Variants in PRKCE observed in about 807,000 individuals in gnomAD.
PRKCE encodes the protein protein kinase C epsilon type.
Under a neutral mutation model 85.4 loss-of-function variants are expected in PRKCE, and 16 were observed. That is an observed-to-expected ratio of 0.19 (90% CI 0.13 to 0.28). The LOEUF (loss-of-function observed/expected upper bound fraction) is 0.28, where lower values mean the gene tolerates loss of function less well. PRKCE is among the 10% of genes least tolerant of loss of function. The pLI is 1.00. For missense variants in PRKCE, 573 were observed against 975.2 expected (o/e 0.59, Z 5.49); for synonymous variants, 388 against 371.5 (o/e 1.04, Z -0.51).
At chr2:45,666,839 A>T (rs1675934607) in intron 1 of PRKCE, among the ~76,000 whole-genome samples, 1 of 152,120 alleles carries the variant, frequency 6.6e-6, no homozygotes, top group South Asian at 2.1e-4. Context: ...GATTGGTTAA[A>T]TTTAAAAACA....
chr2:46,097,539 C>G (rs115018292), intron 11 of PRKCE, among the ~76,000 whole-genome samples: 3,029 of 136,154 alleles, frequency 0.022, 123 homozygotes, highest in African/African-American at 0.075. Flanking sequence ...AAAAAAAAAG[C>G]TGTGAAGTCT....
chr2:45,822,442 T>C (rs1296323605), intron 1 of PRKCE, among the ~76,000 whole-genome samples: 1 of 152,178 alleles, frequency 6.6e-6, no homozygotes, highest in Non-Finnish European at 1.5e-5. Flanking sequence ...CCCTCTGGGG[T>C]GGCCCAGGTC....
intron 1 of PRKCE, among the ~76,000 whole-genome samples, chr2:45,827,037 G>T (rs1289698865): frequency 6.6e-6 from 1 of 152,178 alleles, no homozygotes; most frequent in African/African-American, 2.4e-5. Flanking sequence ...CTGCTCTGCA[G>T]TCTCTCCTCT....
intron 1 of PRKCE, among the ~76,000 whole-genome samples, chr2:45,690,748 C>T (rs1433629410): frequency 6.6e-6 from 1 of 152,212 alleles, no homozygotes; most frequent in African/African-American, 2.4e-5. Context: ...GATTTTCCCT[C>T]TCTGTATAAT....
At chr2:45,989,240 C>G (rs896295861) in intron 6 of PRKCE, among the ~76,000 whole-genome samples, 2 of 152,216 alleles carry the variant, frequency 1.3e-5, no homozygotes, top group Middle Eastern at 3.2e-3. Flanking sequence ...GTGTACTCCA[C>G]GAAGACCTGG....
At chr2:45,768,372 GGGATGGCTTCT>G (rs1251143668) in intron 1 of PRKCE, among the ~76,000 whole-genome samples, 1 of 152,202 alleles carries the variant, frequency 6.6e-6, no homozygotes, top group Non-Finnish European at 1.5e-5. Context: ...GAGTCCCATG[GGGATGGCTTCT>G]GGAAGGAACA....
At chr2:45,778,346 G>A (rs1685920383) in intron 1 of PRKCE, among the ~76,000 whole-genome samples, 1 of 152,174 alleles carries the variant, frequency 6.6e-6, no homozygotes, top group Non-Finnish European at 1.5e-5. Flanking sequence ...GATGTCCCAA[G>A]AGAACATGCC....
At chr2:45,888,939 A>G (rs1294765137) in intron 2 of PRKCE, among the ~76,000 whole-genome samples, 1 of 152,196 alleles carries the variant, frequency 6.6e-6, no homozygotes, top group Non-Finnish European at 1.5e-5. Flanking sequence ...TTGACCAGCA[A>G]AACCAGCCCG....
chr2:46,075,102 G>A (rs567385344), intron 10 of PRKCE, among the ~76,000 whole-genome samples: 3 of 152,066 alleles, frequency 2.0e-5, no homozygotes, highest in Non-Finnish European at 4.4e-5. Flanking sequence ...GTGCAGTGGC[G>A]TGATCTCGGC....
intron 10 of PRKCE, among the ~76,000 whole-genome samples, chr2:46,043,948 G>T (rs532495139): frequency 3.3e-4 from 51 of 152,336 alleles, no homozygotes; most frequent in Non-Finnish European, 6.5e-4. Context: ...GCATAGGAGA[G>T]TCATGAGTAT....
chr2:46,063,146 C>T (rs1026672631), intron 10 of PRKCE, among the ~76,000 whole-genome samples: 1 of 152,102 alleles, frequency 6.6e-6, no homozygotes, highest in Non-Finnish European at 1.5e-5. Context: ...GCTGAGTGGG[C>T]CAAGGTTGGA....
At chr2:45,731,986 C>A (rs1681619226) in intron 1 of PRKCE, among the ~76,000 whole-genome samples, 1 of 152,140 alleles carries the variant, frequency 6.6e-6, no homozygotes, top group Non-Finnish European at 1.5e-5. Context: ...CCACAGAACT[C>A]CATTTTCACT....
chr2:45,909,568 GC>G (rs1374077197), intron 2 of PRKCE, among the ~76,000 whole-genome samples: 2 of 152,186 alleles, frequency 1.3e-5, no homozygotes, highest in African/African-American at 4.8e-5. Context: ...TGTTAAAATA[GC>G]AAATAAACAA....
At chr2:45,790,949 G>C (rs1378111290) in intron 1 of PRKCE, among the ~76,000 whole-genome samples, 3 of 152,204 alleles carry the variant, frequency 2.0e-5, no homozygotes, top group African/African-American at 4.8e-5. Flanking sequence ...AGGACCTCTA[G>C]AAAGGCGTGT....
chr2:45,905,908 G>A lies in PRKCE; in HGVS notation c.412+62845G>A, dbSNP rs576003888. 6.6e-6 allele frequency among the ~76,000 whole-genome samples: 1 copy of A among 152,218 alleles called. No individual in the cohort carries two copies. Among genetic ancestry groups the A allele is most frequent in the Non-Finnish European group, 1.5e-5 (1 of 68,038 alleles). ...CAAGAGGTTCCCTGGGAGGAAGGAT[G>A]TGCTTGTGCGGGGTATGGTGTCTGC... is the stretch of plus-strand genomic sequence containing the variant. On this transcript the variant is annotated intron_variant, in intron 2 of 14. Transcript: ENST00000306156. This position sits in a 1 kb window ranked among gnomAD's most constrained non-coding sequence, Gnocchi z 4.4.
At chr2:46,049,596 T>C (rs1021765672) in intron 10 of PRKCE, among the ~76,000 whole-genome samples, 4 of 152,196 alleles carry the variant, frequency 2.6e-5, no homozygotes, top group Admixed American at 2.6e-4. Context: ...GCAGGTGTAA[T>C]ACCCGCTGCA....
In PRKCE at chr2:46,145,084, A is replaced by C; in HGVS notation, c.1593-9A>C. 1 of 1,599,742 alleles carries C rather than the reference A, an allele frequency of 6.3e-7. No homozygotes were observed. Among genetic ancestry groups the C allele is most frequent in the Non-Finnish European group, 8.5e-7 (1 of 1,179,948 alleles). ...CGTATTGACATTATGGTCCTGGCCT[A>C]TCTTGCAGGGATTTGAAACTGGACA... On this transcript the variant is annotated splice_polypyrimidine_tract_variant and intron_variant, in intron 11 of 14. Transcript: ENST00000306156. The surrounding 1 kb of genome is among the most constrained non-coding windows in gnomAD (Gnocchi z 4.6).
chr2:46,045,223 C>T lies in PRKCE; in HGVS notation c.1437+34706C>T, dbSNP rs146185254. On this transcript the variant is annotated intron_variant, in intron 10 of 14. Transcript: ENST00000306156. Reference sequence around the variant, plus strand: ...TTTGAGTTACTTATGTGTATGTACACATATATAGTATTTACATACATACAT... The same window carrying T: ...TTTGAGTTACTTATGTGTATGTACATATATATAGTATTTACATACATACAT... 4.3e-3 allele frequency among the ~76,000 whole-genome samples: 649 copies of T among 152,270 alleles called. 4 individuals carry two copies. Among genetic ancestry groups the T allele is most frequent in the African/African-American group, 0.015 (627 of 41,548 alleles).
chr2:45,788,939 C>T (rs907237845), intron 1 of PRKCE, among the ~76,000 whole-genome samples: 4 of 152,184 alleles, frequency 2.6e-5, no homozygotes, highest in African/African-American at 4.8e-5. Flanking sequence ...TATTCAAATA[C>T]CAGAACCTAG....
Sources: gnomAD v4.1 joint callset for allele counts (sites outside exome capture counted in the v4.1 genomes callset) on GRCh38, gnomAD v4.1.1 for gene constraint, Gnocchi (gnomAD v3.1) non-coding constraint, MANE v1.5 for transcripts, NCBI Gene and HGNC (gene_info 2026-07-23, HGNC 2026-07-21) for gene names.